The following BICD1 variants were observed in gnomAD, a reference collection of about 807,000 sequenced individuals.
The protein encoded by BICD1 is protein bicaudal D homolog 1.
A neutral mutation model predicts 92.5 loss-of-function variants in BICD1; 35 were observed. The ratio of observed to expected loss-of-function variants is 0.38; its 90% confidence interval spans 0.29 to 0.50. BICD1 has a LOEUF of 0.50. Among genes scored for constraint, BICD1 ranks in the 20% least tolerant of loss-of-function variants. The pLI is 0.93. For missense variants in BICD1, 950 were observed against 1,189.8 expected (o/e 0.80, Z 2.97); for synonymous variants, 429 against 465.1 (o/e 0.92, Z 1.00).
chr12:32,128,935 A>G (rs934858473), intron 1 of BICD1, among the ~76,000 whole-genome samples: 8 of 142,144 alleles, frequency 5.6e-5, no homozygotes, highest in Non-Finnish European at 1.1e-4. Flanking sequence ...ACCATGTCCA[A>G]CTAATTTTTT....
intron 4 of BICD1, among the ~76,000 whole-genome samples, chr12:32,317,244 A>G (rs1436897248): frequency 2.0e-5 from 3 of 152,194 alleles, no homozygotes; most frequent in Non-Finnish European, 4.4e-5. Context: ...GCTGGGTCAA[A>G]TGGTATTTCT....
rs1941505450 is a variant in BICD1 at position 32,107,261 on chromosome 12, C to G, written c.-71C>G. On this transcript the variant is annotated 5_prime_UTR_variant, in exon 1 of 10. Coordinates refer to ENST00000652176, the MANE Select transcript of BICD1 (RefSeq NM_001714.4). ...CACCCATCCCTTCCCATTTCCTTCT[C>G]CCTTTCCCCGCCAGCTTCGCATCCA... 1 of 1,379,762 alleles carries G rather than the reference C, an allele frequency of 7.2e-7. No homozygotes were observed. The highest frequency in any genetic ancestry group is 1.0e-6 in the Non-Finnish European group (1 of 1,004,502). The allele number at this position is 1,379,762 out of a possible 1,614,324, so 85.5% of individuals were successfully genotyped here.
chr12:32,375,282 A>C (rs1167261699), intron 9 of BICD1, among the ~76,000 whole-genome samples: 1 of 151,918 alleles, frequency 6.6e-6, no homozygotes, highest in Admixed American at 6.5e-5. Flanking sequence ...TAATCTCAGC[A>C]CTTTGAGAGG....
Position 32,379,308 on chromosome 12 carries a change from C to T in BICD1, c.*1681C>T, listed in dbSNP as rs971432006. On this transcript the variant is annotated 3_prime_UTR_variant, in exon 10 of 10. Transcript: ENST00000652176. ...ATTGCAGGAGCTTTCGTTAGTCATA[C>T]GCCTATTAAGTAGTGGTCGCTATTA... The T allele has an allele frequency of 6.6e-6, 1 of 152,150 alleles. No homozygotes were observed. The highest frequency in any genetic ancestry group is 6.5e-5 in the Admixed American group (1 of 15,284). The allele number at this position is 152,150 out of a possible 1,614,324, so 9.4% of individuals were successfully genotyped here.
At chr12:32,370,393 T>A (rs1462868507) in intron 9 of BICD1, among the ~76,000 whole-genome samples, 1 of 152,152 alleles carries the variant, frequency 6.6e-6, no homozygotes, top group Non-Finnish European at 1.5e-5. Context: ...ATTATAGATT[T>A]ATCTCAATTA....
At chr12:32,275,529 AC>A (rs1161055170) in intron 2 of BICD1, among the ~76,000 whole-genome samples, 1 of 152,056 alleles carries the variant, frequency 6.6e-6, no homozygotes, top group Non-Finnish European at 1.5e-5. Context: ...AAATGGGGCA[AC>A]CCCCTTTGGG....
At position 32,377,672 on chromosome 12, in the gene BICD1, C is replaced by T; in HGVS notation, c.*45C>T. On this transcript the variant is annotated 3_prime_UTR_variant, in exon 10 of 10. Transcript: ENST00000652176. ...AACATCTGGGGTGGAAGTTTTGTAG[C>T]CACACACAGGATACTGCCCAAGATC... 1 of 1,517,472 alleles carries T rather than the reference C, an allele frequency of 6.6e-7. No individual in the cohort carries two copies. The highest frequency in any genetic ancestry group is 9.2e-7 in the Non-Finnish European group (1 of 1,092,188). The allele number at this position is 1,517,472 out of a possible 1,614,324, so 94.0% of individuals were successfully genotyped here.
chr12:32,311,147 G>T (rs1395708068), intron 4 of BICD1, among the ~76,000 whole-genome samples: 2 of 152,162 alleles, frequency 1.3e-5, no homozygotes, highest in Non-Finnish European at 2.9e-5. Flanking sequence ...GGTGGTCGGG[G>T]TACAGCTTGG....
chr12:32,234,042 A>C (rs1945983555), intron 2 of BICD1, among the ~76,000 whole-genome samples: 1 of 152,220 alleles, frequency 6.6e-6, no homozygotes, highest in Non-Finnish European at 1.5e-5. Context: ...ATATACCTCA[A>C]ATTACACTTT....
chr12:32,149,097 A>G (rs1197560149), intron 1 of BICD1, among the ~76,000 whole-genome samples: 2 of 152,090 alleles, frequency 1.3e-5, no homozygotes, highest in Non-Finnish European at 2.9e-5. Context: ...GTCATTTTTA[A>G]GCATTTCATA....
chr12:32,292,390 C>G (rs911696820), intron 2 of BICD1, among the ~76,000 whole-genome samples: 1 of 152,138 alleles, frequency 6.6e-6, no homozygotes, highest in Non-Finnish European at 1.5e-5. Flanking sequence ...GACAGCAGCC[C>G]TATCGGATTG....
chr12:32,248,759 G>T (rs1946452314), intron 2 of BICD1, among the ~76,000 whole-genome samples: 1 of 152,148 alleles, frequency 6.6e-6, no homozygotes, highest in Non-Finnish European at 1.5e-5. Flanking sequence ...ACCAGAGGGT[G>T]AGTAGAGTAG....
In BICD1 at chr12:32,379,128, A is replaced by C. The variant is rs1406991575; in HGVS notation, c.*1501A>C. ...ATAAAGACATCTGTAACTTCTCTTC[A>C]AAACAAAAATGACCCTCACTGTTAA... On this transcript the variant is annotated 3_prime_UTR_variant, in exon 10 of 10. Coordinates refer to ENST00000652176, the MANE Select transcript of BICD1 (RefSeq NM_001714.4). 1 of 152,192 alleles carries C rather than the reference A, an allele frequency of 6.6e-6. No homozygotes were observed. 9.4% of individuals were successfully genotyped at this position (152,192 alleles called of 1,614,324 possible).
intron 4 of BICD1, among the ~76,000 whole-genome samples, chr12:32,326,063 A>ACG (rs10637966): frequency 2.1e-4 from 1 of 4,754 alleles, no homozygotes; most frequent in African/African-American, 9.0e-4. Context: ...AGCCTGGGAG[A>ACG]GAGTGAGACT....
intron 1 of BICD1, among the ~76,000 whole-genome samples, chr12:32,137,803 C>CT (rs200095182): frequency 0.013 from 1,880 of 147,244 alleles, 13 homozygotes; most frequent in Middle Eastern, 0.017. Context: ...AATATAAAAA[C>CT]TTTTTTTTTT....
chr12:32,174,363 C>T (rs188614240), intron 1 of BICD1, among the ~76,000 whole-genome samples: 5 of 152,098 alleles, frequency 3.3e-5, no homozygotes, highest in African/African-American at 4.8e-5. Context: ...CTGAGCCAGG[C>T]GTGGTGACAT....
At chr12:32,295,486 A>C (rs1229038234) in intron 3 of BICD1, among the ~76,000 whole-genome samples, 1 of 152,064 alleles carries the variant, frequency 6.6e-6, no homozygotes, top group Admixed American at 6.6e-5. Context: ...TGTCCTCTGT[A>C]AACTTAGAAG....
chr12:32,372,423 TGAA>T (rs1161406307), intron 9 of BICD1, among the ~76,000 whole-genome samples: 4 of 152,066 alleles, frequency 2.6e-5, no homozygotes, highest in Non-Finnish European at 4.4e-5. Context: ...GAGGTTGCAG[TGAA>T]CCAAGATCAC....
intron 1 of BICD1, among the ~76,000 whole-genome samples, chr12:32,211,631 AGGCAGAGTGAAG>A (rs1329561940): frequency 1.3e-5 from 2 of 152,142 alleles, no homozygotes; most frequent in African/African-American, 4.8e-5. Flanking sequence ...GCTTTTACTC[AGGCAGAGTGAAG>A]AAAATGGCCC....
Sources: gnomAD v4.1 joint callset for allele counts (sites outside exome capture counted in the v4.1 genomes callset) on GRCh38, gnomAD v4.1.1 for gene constraint, MANE v1.5 for transcripts, NCBI Gene and HGNC (gene_info 2026-07-23, HGNC 2026-07-21) for gene names.